The following PLD5 variants were observed in gnomAD, a reference collection of about 807,000 sequenced individuals.
The protein encoded by PLD5 is inactive phospholipase D5.
A neutral mutation model predicts 61.1 loss-of-function variants in PLD5; 36 were observed. The observed-to-expected ratio is 0.59, with a 90% CI of 0.45 to 0.78. The LOEUF is 0.78. Ranked by LOEUF, PLD5 falls within the 30% of genes least tolerant of loss-of-function variation. The pLI is 0.00. For synonymous variants in PLD5, 243 were observed against 242.8 expected (o/e 1.00, Z -0.01); for missense variants, 515 against 644.4 (o/e 0.80, Z 2.17).
At chr1:242,092,748 G>A (rs2148649877) in intron 9 of PLD5, among the ~76,000 whole-genome samples, 1 of 152,244 alleles carries the variant, frequency 6.6e-6, no homozygotes, top group South Asian at 2.1e-4. Flanking sequence ...AGCACATCTG[G>A]GAGACAGCCA....
intron 1 of PLD5, among the ~76,000 whole-genome samples, chr1:242,388,665 G>T (rs1400672643): frequency 6.6e-6 from 1 of 152,108 alleles, no homozygotes; most frequent in African/African-American, 2.4e-5. Context: ...CATGTGAATG[G>T]CTGACTGAGA....
chr1:242,517,537 TTTG>T (rs1669142699), intron 1 of PLD5, among the ~76,000 whole-genome samples: 1 of 152,212 alleles, frequency 6.6e-6, no homozygotes. Flanking sequence ...TAAAATGAAT[TTTG>T]TTATGATACA....
chr1:242,139,855 C>T (rs1664027320), intron 5 of PLD5, among the ~76,000 whole-genome samples: 2 of 152,122 alleles, frequency 1.3e-5, no homozygotes. Flanking sequence ...GAGCATCTGG[C>T]CTCTGCTTGC....
At chr1:242,409,369 C>T (rs912207304) in intron 1 of PLD5, among the ~76,000 whole-genome samples, 1 of 152,138 alleles carries the variant, frequency 6.6e-6, no homozygotes, top group Non-Finnish European at 1.5e-5. Flanking sequence ...CAAACTCCAA[C>T]AGTAAGCATG....
chr1:242,093,608 C>A (rs1236764353), intron 9 of PLD5, among the ~76,000 whole-genome samples: 3 of 152,188 alleles, frequency 2.0e-5, no homozygotes, highest in South Asian at 2.1e-4. Flanking sequence ...CCAGGTCTGA[C>A]CCCGGGGTCC....
At chr1:242,139,702 G>T (rs927651812) in intron 5 of PLD5, among the ~76,000 whole-genome samples, 6 of 152,182 alleles carry the variant, frequency 3.9e-5, no homozygotes, top group African/African-American at 1.4e-4. Context: ...TTCCTCTTGA[G>T]GTTCTTGTCA....
intron 1 of PLD5, among the ~76,000 whole-genome samples, chr1:242,422,611 T>C (rs572215814): frequency 1.3e-5 from 2 of 152,270 alleles, no homozygotes; most frequent in East Asian, 3.9e-4. Context: ...CATTACACTC[T>C]GGGAAATGAT....
intron 5 of PLD5, among the ~76,000 whole-genome samples, chr1:242,218,090 T>C (rs777898228): frequency 1.2e-4 from 18 of 152,308 alleles, no homozygotes; most frequent in Admixed American, 2.0e-4. Context: ...GGAAGTCAAT[T>C]GATGTGGCCA....
chr1:242,492,304 G>A (rs1364777424), intron 1 of PLD5, among the ~76,000 whole-genome samples: 1 of 151,924 alleles, frequency 6.6e-6, no homozygotes, highest in Non-Finnish European at 1.5e-5. Context: ...CTGAGGTCAG[G>A]AGTTCGAGAC....
chr1:242,507,612 C>T (rs903334147), intron 1 of PLD5, among the ~76,000 whole-genome samples: 1 of 152,192 alleles, frequency 6.6e-6, no homozygotes, highest in African/African-American at 2.4e-5. Context: ...CCTACTCAAA[C>T]TGGACAGCTA....
intron 1 of PLD5, among the ~76,000 whole-genome samples, chr1:242,522,610 G>C (rs536132535): frequency 3.5e-4 from 53 of 152,340 alleles, no homozygotes; most frequent in African/African-American, 1.3e-3. Context: ...CCCAAGGCTA[G>C]ACTGTTATCC....
At chr1:242,496,881 A>C (rs1294871956) in intron 1 of PLD5, among the ~76,000 whole-genome samples, 2 of 152,250 alleles carry the variant, frequency 1.3e-5, no homozygotes, top group African/African-American at 4.8e-5. Context: ...TTTAGCCAGC[A>C]GGATGGACAG....
At chr1:242,420,699 T>C (rs926520738) in intron 1 of PLD5, among the ~76,000 whole-genome samples, 1 of 152,096 alleles carries the variant, frequency 6.6e-6, no homozygotes, top group African/African-American at 2.4e-5. Flanking sequence ...ATATTACATA[T>C]ACACCTGCCA....
chr1:242,269,657 G>T (rs1673936443), intron 3 of PLD5, among the ~76,000 whole-genome samples: 2 of 151,840 alleles, frequency 1.3e-5, no homozygotes, highest in African/African-American at 2.4e-5. Flanking sequence ...TACTATCTTT[G>T]GCTAAGCAAA....
intron 1 of PLD5, among the ~76,000 whole-genome samples, chr1:242,454,727 T>C (rs1666894732): frequency 6.6e-6 from 1 of 152,138 alleles, no homozygotes; most frequent in South Asian, 2.1e-4. Flanking sequence ...TGCCCTTAAG[T>C]AGGGTAGCAG....
rs1574717754 is a variant in PLD5 at position 242,315,621 on chromosome 1, T to C, written c.327-27091A>G. 2.0e-5 allele frequency among the ~76,000 whole-genome samples: 3 copies of C among 152,180 alleles called. No individual in the cohort carries two copies. The South Asian group carries it at 6.2e-4, about 32-fold the overall frequency. On this transcript the variant is annotated intron_variant, in intron 2 of 9. Coordinates refer to ENST00000536534, the MANE Select transcript of PLD5 (RefSeq NM_001372062.1). ...GAGATCCTCAAGTCCTCAACGGCAG[T>C]TGCCTTGACAACTTACTGGAGGATA... is the stretch of plus-strand genomic sequence containing the variant.
chr1:242,265,502 T>C lies in PLD5; in HGVS notation c.496-54A>G. 3 of 1,423,534 alleles carry C rather than the reference T, an allele frequency of 2.1e-6. No homozygotes were observed. The South Asian group carries it at 3.8e-5, about 18-fold the overall frequency. 88.2% of individuals were successfully genotyped at this position (1,423,534 alleles called of 1,614,324 possible). A position where few individuals can be genotyped will look rare whatever the true frequency, so the allele number is the denominator to read the frequency against. ...GTCAGAAAACCTAAATGTTTACCAA[T>C]TTAGACAGGTAAAAATAAACTCATT... is the stretch of plus-strand genomic sequence containing the variant. On this transcript the variant is annotated intron_variant, in intron 3 of 9. Coordinates refer to ENST00000536534, the MANE Select transcript of PLD5 (RefSeq NM_001372062.1).
intron 5 of PLD5, among the ~76,000 whole-genome samples, chr1:242,189,718 C>T (rs1256240211): frequency 6.6e-6 from 1 of 152,110 alleles, no homozygotes; most frequent in Non-Finnish European, 1.5e-5. Flanking sequence ...CAGAGAGTGA[C>T]TGGGTGGACA....
At chr1:242,331,976 T>A (rs568259678) in intron 2 of PLD5, among the ~76,000 whole-genome samples, 1 of 147,502 alleles carries the variant, frequency 6.8e-6, no homozygotes, top group South Asian at 2.2e-4. Context: ...CATGGTGGTT[T>A]GCCGCACCCA....
Sources: allele counts gnomAD v4.1 joint callset (sites outside exome capture counted in the v4.1 genomes callset), GRCh38; gene constraint gnomAD v4.1.1; transcripts MANE v1.5; gene names NCBI Gene and HGNC (gene_info 2026-07-23, HGNC 2026-07-21).